Variants in PTPRN2 observed in about 807,000 individuals in gnomAD.
The protein encoded by PTPRN2 is receptor-type tyrosine-protein phosphatase N2.
In PTPRN2, 74 loss-of-function variants were observed where a neutral mutation model predicts 118.8. The ratio of observed to expected loss-of-function variants is 0.62; its 90% confidence interval spans 0.52 to 0.76. The LOEUF (loss-of-function observed/expected upper bound fraction) is 0.76. PTPRN2 is among the 30% of genes least tolerant of loss of function. The pLI is 0.00. For missense variants in PTPRN2, 1,481 were observed against 1,394.4 expected (o/e 1.06, Z -0.99); for synonymous variants, 641 against 608.0 (o/e 1.05, Z -0.80).
intron 10 of PTPRN2, among the ~76,000 whole-genome samples, chr7:158,089,788 A>ACC (rs1813906345): frequency 1.4e-5 from 1 of 70,684 alleles, no homozygotes; most frequent in Non-Finnish European, 3.6e-5. Context: ...GTTCACACAA[A>ACC]TCCTTCTTCC....
At chr7:157,755,003 A>G (rs1029403362) in intron 12 of PTPRN2, among the ~76,000 whole-genome samples, 8 of 152,140 alleles carry the variant, frequency 5.3e-5, no homozygotes, top group African/African-American at 1.9e-4. Flanking sequence ...CTCCCACCTC[A>G]GCCTCCTGAG....
chr7:157,904,964 C>T (rs1007751315), intron 11 of PTPRN2, among the ~76,000 whole-genome samples: 2 of 152,204 alleles, frequency 1.3e-5, no homozygotes, highest in Non-Finnish European at 2.9e-5. Context: ...AGGGCACCCC[C>T]GACACCTCCC....
At chr7:158,343,727 T>C (rs1055018313) in intron 2 of PTPRN2, among the ~76,000 whole-genome samples, 10 of 149,558 alleles carry the variant, frequency 6.7e-5, no homozygotes, top group Non-Finnish European at 2.9e-5. Context: ...ACGTGGGCTG[T>C]CGCGGCTGCT....
chr7:158,085,570 C>T (rs1272706991), intron 10 of PTPRN2, among the ~76,000 whole-genome samples: 2 of 136,038 alleles, frequency 1.5e-5, no homozygotes, highest in African/African-American at 2.9e-5. Flanking sequence ...CACGCCCATC[C>T]ACACCCTCGA....
At chr7:158,290,148 G>A (rs1800021173) in intron 3 of PTPRN2, among the ~76,000 whole-genome samples, 1 of 151,900 alleles carries the variant, frequency 6.6e-6, no homozygotes, top group Non-Finnish European at 1.5e-5. Flanking sequence ...TTGGCCTGGA[G>A]CCTAAGTCTG....
At chr7:158,328,492 G>A (rs6953748) in intron 2 of PTPRN2, among the ~76,000 whole-genome samples, 81,070 of 152,134 alleles carry the variant, frequency 0.53, 21,917 homozygotes, top group South Asian at 0.58. Context: ...GCCTGGGAGC[G>A]GCCAGCACAG....
At chr7:158,269,898 A>C (rs898563767) in intron 3 of PTPRN2, among the ~76,000 whole-genome samples, 1 of 125,486 alleles carries the variant, frequency 8.0e-6, no homozygotes, top group East Asian at 3.3e-4. Context: ...ACAGAGAGAC[A>C]GAGACATAGA....
intron 2 of PTPRN2, among the ~76,000 whole-genome samples, chr7:158,433,407 C>T (rs192280713): frequency 1.3e-5 from 2 of 152,268 alleles, no homozygotes; most frequent in East Asian, 3.9e-4. Context: ...CTTTGCATAC[C>T]TCAGTCTGCA....
At chr7:157,795,976 C>T (rs889626098) in intron 12 of PTPRN2, among the ~76,000 whole-genome samples, 22 of 152,218 alleles carry the variant, frequency 1.4e-4, no homozygotes, top group African/African-American at 2.7e-4. Context: ...GGCGCCGAGG[C>T]GAACTTGGGA....
At position 157,622,632 on chromosome 7, in the gene PTPRN2, C is replaced by A. The variant is rs1803328284; in HGVS notation, c.2197-1123G>T. Among the ~76,000 whole-genome samples, 2 of 152,234 alleles carry A rather than the reference C, an allele frequency of 1.3e-5. No individual in the cohort carries two copies. Among genetic ancestry groups the A allele is most frequent in the African/African-American group, 4.8e-5 (2 of 41,464 alleles). On this transcript the variant is annotated intron_variant, in intron 14 of 22. Coordinates refer to ENST00000389418, the MANE Select transcript of PTPRN2 (RefSeq NM_002847.5). The surrounding 1 kb of genome is among the most constrained non-coding windows in gnomAD (Gnocchi z 5.3). ...ACCCATGCAGCAAACACACACCCTG[C>A]TGTGCTGGCCCAGCTCACACGGGAG... is the stretch of plus-strand genomic sequence containing the variant.
At chr7:157,693,026 C>A (rs1481188661) in intron 12 of PTPRN2, among the ~76,000 whole-genome samples, 2 of 151,972 alleles carry the variant, frequency 1.3e-5, no homozygotes, top group African/African-American at 4.8e-5. Context: ...CAGGGCGACC[C>A]CAGGCCCGGC....
chr7:158,019,047 G>GAAACTCACTCTA (rs1806668348), intron 11 of PTPRN2, among the ~76,000 whole-genome samples: 1 of 146,958 alleles, frequency 6.8e-6, no homozygotes, highest in Non-Finnish European at 1.5e-5. Flanking sequence ...TTAGGAAGTA[G>GAAACTCACTCTA]AAACTCACTC....
rs535342562 is a variant in PTPRN2, at chr7:158,467,158, ATTAG to A, written c.163+22573_163+22576del. On this transcript the variant is annotated intron_variant, in intron 2 of 22. Transcript: ENST00000389418. Reference sequence around the variant, plus strand: ...GGGGCTCTGATGTGCGTTTCCAATGATTAGTGATGCTCAGCACCTTTCCCATACC... The same window carrying A: ...GGGGCTCTGATGTGCGTTTCCAATGATGATGCTCAGCACCTTTCCCATACC... Among the ~76,000 whole-genome samples, 83 of 152,260 alleles carry A rather than the reference ATTAG, an allele frequency of 5.5e-4. 1 individual carries two copies. In the South Asian group the frequency reaches 0.016, roughly 30 times the overall value.
chr7:158,293,241 A>G (rs1052045563), intron 3 of PTPRN2, among the ~76,000 whole-genome samples: 3 of 152,020 alleles, frequency 2.0e-5, no homozygotes, highest in African/African-American at 7.2e-5. Flanking sequence ...GCTACACTAA[A>G]TTTATAAAAA....
intron 1 of PTPRN2, among the ~76,000 whole-genome samples, chr7:158,523,291 G>A (rs1339828466): frequency 6.6e-6 from 1 of 152,128 alleles, no homozygotes; most frequent in Non-Finnish European, 1.5e-5. Context: ...GGTGAGGGCT[G>A]GTGCGGACAA....
chr7:157,995,482 G>A (rs1207254393), intron 11 of PTPRN2, among the ~76,000 whole-genome samples: 1 of 152,274 alleles, frequency 6.6e-6, no homozygotes. Flanking sequence ...CACCAGTCCA[G>A]CCACATCTGG....
At chr7:158,391,999 C>A (rs935172193) in intron 2 of PTPRN2, among the ~76,000 whole-genome samples, 3 of 152,198 alleles carry the variant, frequency 2.0e-5, no homozygotes, top group Non-Finnish European at 2.9e-5. Flanking sequence ...TCAGGAGGGA[C>A]CGTTTGCAGG....
intron 1 of PTPRN2, among the ~76,000 whole-genome samples, chr7:158,513,036 C>T (rs10949728): frequency 0.19 from 28,388 of 152,152 alleles, 3,127 homozygotes; most frequent in East Asian, 0.39. Flanking sequence ...GCGTCACTCA[C>T]GAGTGTGGGT....
At chr7:157,559,221 G>GT (rs1409879301) in intron 21 of PTPRN2, among the ~76,000 whole-genome samples, 2 of 152,232 alleles carry the variant, frequency 1.3e-5, no homozygotes, top group Non-Finnish European at 2.9e-5. Context: ...CAGGCTGCAT[G>GT]TGCCTGGACT....
Sources: gnomAD v4.1 joint callset for allele counts (sites outside exome capture counted in the v4.1 genomes callset) on GRCh38, gnomAD v4.1.1 for gene constraint, Gnocchi (gnomAD v3.1) non-coding constraint, MANE v1.5 for transcripts, NCBI Gene and HGNC (gene_info 2026-07-23, HGNC 2026-07-21) for gene names.